Variants in BLTP3A observed in about 807,000 individuals in gnomAD.
BLTP3A encodes the protein ICBP90 binding protein 1.
the BLTP3A span, among the ~76,000 whole-genome samples, chr6:34,853,148 G>A: frequency 1.3e-5 from 2 of 152,096 alleles, no homozygotes; most frequent in Admixed American, 1.3e-4. Flanking sequence ...TCTGATTTTT[G>A]GTTCTTATGA....
the BLTP3A span, among the ~76,000 whole-genome samples, chr6:34,802,920 AATCCTAGCCCT>A: frequency 1.6e-4 from 24 of 152,310 alleles, no homozygotes; most frequent in South Asian, 4.1e-4. Context: ...TTACACCTAT[AATCCTAGCCCT>A]TTGGGAGGCT....
At chr6:34,869,640 C>CTTTTTTTTTTTTTT in the BLTP3A span, among the ~76,000 whole-genome samples, 3 of 81,532 alleles carry the variant, frequency 3.7e-5, 1 homozygote, top group African/African-American at 1.8e-4. Context: ...ACATACACCA[C>CTTTTTTTTTTTTTT]TTTTTTTTTT....
the BLTP3A span, among the ~76,000 whole-genome samples, chr6:34,829,979 G>T: frequency 0.41 from 62,220 of 151,134 alleles, 13,661 homozygotes; most frequent in African/African-American, 0.58. Context: ...TGATTTTTTT[G>T]TGTGTGTGTG....
chr6:34,793,784 T>C, the BLTP3A span, among the ~76,000 whole-genome samples: 659 of 152,206 alleles, frequency 4.3e-3, 5 homozygotes, highest in African/African-American at 0.015. Flanking sequence ...CAGAGGAGAA[T>C]TGTATAATTT....
At chr6:34,816,540 G>A in the BLTP3A span, among the ~76,000 whole-genome samples, 2 of 152,174 alleles carry the variant, frequency 1.3e-5, no homozygotes. Context: ...TGAGCCCCAG[G>A]AGGTCGAGGC....
At chr6:34,864,207 G>A in the BLTP3A span, 1 of 1,609,710 alleles carries the variant, frequency 6.2e-7, no homozygotes. Context: ...TGGTATGTGG[G>A]AGCAGAGCCA....
the BLTP3A span, among the ~76,000 whole-genome samples, chr6:34,810,808 T>G: frequency 2.6e-5 from 4 of 152,202 alleles, no homozygotes; most frequent in Admixed American, 6.5e-5. Flanking sequence ...TTGTTTACAT[T>G]TCTCCTGACT....
the BLTP3A span, among the ~76,000 whole-genome samples, chr6:34,820,462 A>G: frequency 6.6e-6 from 1 of 151,914 alleles, no homozygotes; most frequent in Admixed American, 6.6e-5. Flanking sequence ...TTCATTTAAT[A>G]GTTGTTGGTT....
the BLTP3A span, among the ~76,000 whole-genome samples, chr6:34,845,677 A>G: frequency 1.3e-5 from 2 of 151,260 alleles, no homozygotes; most frequent in Non-Finnish European, 3.0e-5. Flanking sequence ...GCTCACTGCA[A>G]GCTCCACCTC....
chr6:34,812,891 CCTG>C, the BLTP3A span, among the ~76,000 whole-genome samples: 2 of 152,172 alleles, frequency 1.3e-5, no homozygotes, highest in Non-Finnish European at 2.9e-5. Context: ...TGGAGAGAAT[CCTG>C]CTATCTAAAC....
At chr6:34,814,795 C>G in the BLTP3A span, among the ~76,000 whole-genome samples, 1 of 152,144 alleles carries the variant, frequency 6.6e-6, no homozygotes, top group Non-Finnish European at 1.5e-5. Flanking sequence ...ACACTATTAA[C>G]TTTAACAAAA....
the BLTP3A span, among the ~76,000 whole-genome samples, chr6:34,795,478 A>G: frequency 6.6e-6 from 1 of 150,474 alleles, no homozygotes; most frequent in African/African-American, 2.4e-5. Flanking sequence ...GCTCACTGCA[A>G]CCTCTGCCTC....
At chr6:34,812,192 G>A in the BLTP3A span, among the ~76,000 whole-genome samples, 1 of 152,012 alleles carries the variant, frequency 6.6e-6, no homozygotes, top group South Asian at 2.1e-4. Flanking sequence ...GCCAGGCATG[G>A]TGGCGGGTGC....
At chr6:34,834,162 A>T in the BLTP3A span, 2 of 1,538,738 alleles carry the variant, frequency 1.3e-6, no homozygotes. Flanking sequence ...TAATATGAAG[A>T]CTGTGCAGAA....
the BLTP3A span, chr6:34,835,197 A>AT: frequency 7.5e-7 from 1 of 1,342,094 alleles, no homozygotes; most frequent in Admixed American, 2.1e-5. Flanking sequence ...CATATTGGAG[A>AT]TTGAAAAGCC....
the BLTP3A span, among the ~76,000 whole-genome samples, chr6:34,830,739 A>G: frequency 6.6e-6 from 1 of 152,246 alleles, no homozygotes. Flanking sequence ...ACCTAGCAGT[A>G]AAATTGTTGG....
chr6:34,840,396 A>AC, the BLTP3A span, among the ~76,000 whole-genome samples: 2 of 148,634 alleles, frequency 1.3e-5, no homozygotes, highest in East Asian at 4.1e-4. Context: ...CTACTTAAAA[A>AC]AAAAAAAAAA....
the BLTP3A span, among the ~76,000 whole-genome samples, chr6:34,837,358 A>G: frequency 1.3e-5 from 2 of 152,094 alleles, no homozygotes; most frequent in Non-Finnish European, 2.9e-5. Context: ...CCTGGGCAAC[A>G]TGGCGAAACC....
chr6:34,825,395 C>T, the BLTP3A span, among the ~76,000 whole-genome samples: 2 of 152,080 alleles, frequency 1.3e-5, no homozygotes, highest in African/African-American at 4.8e-5. Flanking sequence ...GCAACCTCCA[C>T]CTCCCTGGTT....
Sources: allele counts gnomAD v4.1 joint callset (sites outside exome capture counted in the v4.1 genomes callset), GRCh38; gene constraint gnomAD v4.1.1; transcripts MANE v1.5; gene names NCBI Gene and HGNC (gene_info 2026-07-23, HGNC 2026-07-21).